Variants in MYRIP observed in about 807,000 individuals in gnomAD.
MYRIP encodes the protein myosin VIIA and Rab interacting protein.
Under a neutral mutation model 98.0 loss-of-function variants are expected in MYRIP, and 49 were observed. The ratio of observed to expected loss-of-function variants is 0.50; its 90% CI spans 0.40 to 0.63. The LOEUF (loss-of-function observed/expected upper bound fraction) is 0.63. MYRIP is among the 30% of genes least tolerant of loss of function. The pLI is 0.00. For synonymous variants in MYRIP, 404 were observed against 409.5 expected (o/e 0.99, Z 0.16); for missense variants, 1,004 against 1,058.2 (o/e 0.95, Z 0.71).
At chr3:39,848,051 A>G (rs1187946460) in intron 1 of MYRIP, among the ~76,000 whole-genome samples, 2 of 152,182 alleles carry the variant, frequency 1.3e-5, no homozygotes, top group Admixed American at 1.3e-4. Flanking sequence ...GCTTCCTCCA[A>G]CATGCTGGTG....
At chr3:40,181,084 CTTT>C (rs1950872500) in intron 8 of MYRIP, among the ~76,000 whole-genome samples, 3 of 152,154 alleles carry the variant, frequency 2.0e-5, no homozygotes, top group Non-Finnish European at 4.4e-5. Flanking sequence ...TGCTGTCTTT[CTTT>C]CTTTGTTATT....
intron 1 of MYRIP, among the ~76,000 whole-genome samples, chr3:39,870,358 ATTCTTCCAATTTGTTC>A (rs1263977151): frequency 0.022 from 1,003 of 46,530 alleles, 10 homozygotes; most frequent in African/African-American, 0.12. Flanking sequence ...AATTTGTTCC[ATTCTTCCAATTTGTTC>A]CATTCTTCCA....
At chr3:40,253,622 T>C (rs1164704722) in intron 16 of MYRIP, among the ~76,000 whole-genome samples, 1 of 152,172 alleles carries the variant, frequency 6.6e-6, no homozygotes, top group Non-Finnish European at 1.5e-5. Flanking sequence ...TTAATACACA[T>C]TGACCCAATA....
intron 2 of MYRIP, among the ~76,000 whole-genome samples, chr3:40,022,913 C>T (rs1947028709): frequency 6.6e-6 from 1 of 152,034 alleles, no homozygotes; most frequent in Non-Finnish European, 1.5e-5. Context: ...AGATCGTGAC[C>T]TGGAAAAGAG....
intron 1 of MYRIP, among the ~76,000 whole-genome samples, chr3:39,826,265 T>C (rs748538674): frequency 7.2e-5 from 11 of 152,130 alleles, no homozygotes; most frequent in Non-Finnish European, 1.5e-4. Context: ...GGTTATTTAT[T>C]TGAAATCTTT....
chr3:40,028,516 T>C (rs1379972947), intron 2 of MYRIP, among the ~76,000 whole-genome samples: 3 of 152,176 alleles, frequency 2.0e-5, no homozygotes, highest in Non-Finnish European at 4.4e-5. Flanking sequence ...AAGACTAGTA[T>C]TTGCTTTTGT....
intron 2 of MYRIP, among the ~76,000 whole-genome samples, chr3:39,941,670 T>G (rs1944789415): frequency 1.3e-5 from 2 of 152,088 alleles, no homozygotes; most frequent in Non-Finnish European, 2.9e-5. Flanking sequence ...TAAAGTCATG[T>G]CATAGCATAC....
At chr3:39,826,256 GTTAT>G (rs1232701674) in intron 1 of MYRIP, among the ~76,000 whole-genome samples, 4 of 151,570 alleles carry the variant, frequency 2.6e-5, no homozygotes, top group Non-Finnish European at 4.4e-5. Context: ...ACATCGTTAG[GTTAT>G]TTATTTGAAA....
At chr3:40,236,068 A>G (rs1952815497) in intron 12 of MYRIP, among the ~76,000 whole-genome samples, 1 of 152,244 alleles carries the variant, frequency 6.6e-6, no homozygotes, top group Non-Finnish European at 1.5e-5. Flanking sequence ...GTTTTGGTCA[A>G]TGGCGAATCA....
At chr3:40,211,314 A>C (rs986333362) in intron 11 of MYRIP, among the ~76,000 whole-genome samples, 1 of 152,218 alleles carries the variant, frequency 6.6e-6, no homozygotes, top group Non-Finnish European at 1.5e-5. Context: ...ATGCACATGC[A>C]TGAGTGAAGG....
chr3:39,900,522 G>A (rs1943716479), intron 1 of MYRIP, among the ~76,000 whole-genome samples: 1 of 150,588 alleles, frequency 6.6e-6, no homozygotes, highest in African/African-American at 2.5e-5. Flanking sequence ...TCTTATGTAT[G>A]GTTCACTTTG....
At chr3:40,062,584 A>G (rs566804069) in intron 3 of MYRIP, among the ~76,000 whole-genome samples, 11 of 152,342 alleles carry the variant, frequency 7.2e-5, no homozygotes, top group African/African-American at 2.6e-4. Flanking sequence ...TGGGCACCCA[A>G]ATTTTGACTA....
At chr3:39,860,794 G>A (rs913268717) in intron 1 of MYRIP, among the ~76,000 whole-genome samples, 1 of 152,198 alleles carries the variant, frequency 6.6e-6, no homozygotes, top group African/African-American at 2.4e-5. Flanking sequence ...ACTAGTGTAT[G>A]CACACATGGG....
chr3:40,058,929 C>T (rs1947941493), intron 3 of MYRIP, among the ~76,000 whole-genome samples: 1 of 151,506 alleles, frequency 6.6e-6, no homozygotes, highest in Admixed American at 6.6e-5. Context: ...GCTATCCCTC[C>T]CCTAGCCCCC....
chr3:39,961,573 A>G (rs1455898263), intron 2 of MYRIP, among the ~76,000 whole-genome samples: 1 of 152,056 alleles, frequency 6.6e-6, no homozygotes, highest in Non-Finnish European at 1.5e-5. Context: ...GCCGGAGAGT[A>G]AGGCACTGGG....
intron 2 of MYRIP, among the ~76,000 whole-genome samples, chr3:39,929,970 A>T (rs1944500621): frequency 1.3e-5 from 2 of 152,120 alleles, no homozygotes; most frequent in East Asian, 1.9e-4. Flanking sequence ...TTAGTTGATG[A>T]CCTGAGTTGT....
At chr3:40,062,336 C>T (rs1354560992) in intron 3 of MYRIP, among the ~76,000 whole-genome samples, 2 of 152,160 alleles carry the variant, frequency 1.3e-5, no homozygotes, top group African/African-American at 2.4e-5. Context: ...ATCCCAGCAC[C>T]ATTTATTGAT....
At chr3:39,923,481 A>T (rs765710121) in intron 2 of MYRIP, among the ~76,000 whole-genome samples, 1 of 152,186 alleles carries the variant, frequency 6.6e-6, no homozygotes, top group Non-Finnish European at 1.5e-5. Flanking sequence ...AACAGAAATC[A>T]TACAGGCGAG....
intron 2 of MYRIP, among the ~76,000 whole-genome samples, chr3:39,967,138 G>A (rs75962259): frequency 0.025 from 3,852 of 152,208 alleles, 163 homozygotes; most frequent in African/African-American, 0.087. Flanking sequence ...TAGGTTTGGC[G>A]TATATGTGAA....
Sources: allele counts gnomAD v4.1 joint callset (sites outside exome capture counted in the v4.1 genomes callset), GRCh38; gene constraint gnomAD v4.1.1; transcripts MANE v1.5; gene names NCBI Gene and HGNC (gene_info 2026-07-23, HGNC 2026-07-21).